Variants in TASP1 observed in about 807,000 individuals in gnomAD.
The protein encoded by TASP1 is threonine aspartase 1.
In TASP1, 16 loss-of-function variants were observed where a neutral mutation model predicts 56.6. The observed-to-expected ratio is 0.28, with a 90% CI of 0.19 to 0.43. The LOEUF is 0.43. Among genes scored for constraint, TASP1 ranks in the 20% least tolerant of loss-of-function variants. The pLI, the probability that TASP1 is intolerant of heterozygous loss-of-function variation, is 1.00. For missense variants in TASP1, 393 were observed against 511.6 expected, an observed-to-expected ratio of 0.77 and a Z score of 2.24; for synonymous variants, 179 against 184.2, an observed-to-expected ratio of 0.97 and a Z score of 0.23.
intron 4 of TASP1, among the ~76,000 whole-genome samples, chr20:13,612,491 AACACACACACAC>A (rs34343791): frequency 3.6e-4 from 52 of 143,994 alleles, no homozygotes; most frequent in Non-Finnish European, 4.9e-4. Flanking sequence ...ATTTGTAGCA[AACACACACACAC>A]ACACACACAC....
chr20:13,419,504 A>G (rs111760013), intron 12 of TASP1, among the ~76,000 whole-genome samples: 6,431 of 152,342 alleles, frequency 0.042, 181 homozygotes, highest in African/African-American at 0.073. Context: ...TCCAGTACAC[A>G]GCATCAAAAT....
chr20:13,411,767 T>C (rs1366924933), intron 13 of TASP1, among the ~76,000 whole-genome samples: 7 of 152,188 alleles, frequency 4.6e-5, no homozygotes. Flanking sequence ...AGGCAAGCCG[T>C]CAGCTTTCCA....
intron 4 of TASP1, among the ~76,000 whole-genome samples, chr20:13,608,782 C>G (rs781157363): frequency 6.6e-6 from 1 of 152,202 alleles, no homozygotes; most frequent in Non-Finnish European, 1.5e-5. Flanking sequence ...ATCTAAACCA[C>G]GGGGATATAG....
intron 5 of TASP1, among the ~76,000 whole-genome samples, chr20:13,585,350 C>G (rs1184512729): frequency 6.6e-6 from 1 of 152,100 alleles, no homozygotes; most frequent in African/African-American, 2.4e-5. Context: ...CTAACTTAAA[C>G]TTCATTAAAA....
the TASP1 span, among the ~76,000 whole-genome samples, chr20:13,140,951 G>A: frequency 2.0e-5 from 3 of 152,148 alleles, no homozygotes; most frequent in African/African-American, 7.2e-5. Context: ...ACCCAATGTG[G>A]ACTGGGAGAA....
intron 4 of TASP1, among the ~76,000 whole-genome samples, chr20:13,615,554 G>C (rs2048493825): frequency 6.7e-6 from 1 of 149,860 alleles, no homozygotes; most frequent in Non-Finnish European, 1.5e-5. Context: ...ACCCAGGCTG[G>C]AGTGCAGTGG....
At chr20:13,435,337 C>T (rs1048846955) in intron 11 of TASP1, among the ~76,000 whole-genome samples, 183 bp from the exon 12 acceptor site, 1 of 152,010 alleles carries the variant, frequency 6.6e-6, no homozygotes, top group African/African-American at 2.4e-5. Flanking sequence ...TGAATAGGGG[C>T]CATTTGGCAA....
Position 13,605,694 on chromosome 20 carries a change from T to C in TASP1, c.282+17752A>G, listed in dbSNP as rs958339108. On this transcript the variant is annotated intron_variant, in intron 4 of 13. Transcript: ENST00000337743. ...ACCTTTCTCTAAAAAAAAATAATAA[T>C]AAATTTAAATAATTTAAAATAATAT... Among the ~76,000 whole-genome samples the C allele has an allele frequency of 3.3e-5, 5 of 151,920 alleles. No individual in the cohort carries two copies. The South Asian group carries it at 8.3e-4, about 25-fold the overall frequency.
chr20:13,257,492 G>C, the TASP1 span, among the ~76,000 whole-genome samples: 1 of 152,080 alleles, frequency 6.6e-6, no homozygotes, highest in Non-Finnish European at 1.5e-5. Context: ...TCAGTTCTCT[G>C]CCTCATCTGA....
At chr20:13,298,968 A>G in the TASP1 span, 1 of 1,613,560 alleles carries the variant, frequency 6.2e-7, no homozygotes, top group East Asian at 2.2e-5. Flanking sequence ...GCGCTGGATG[A>G]GCTGCAAAAG....
chr20:13,539,408 G>T (rs2045536857), intron 8 of TASP1, among the ~76,000 whole-genome samples: 1 of 152,100 alleles, frequency 6.6e-6, no homozygotes. Flanking sequence ...AACCCAGCCA[G>T]GCATGGTGGC....
chr20:13,323,261 A>C, the TASP1 span, among the ~76,000 whole-genome samples: 6 of 152,212 alleles, frequency 3.9e-5, no homozygotes, highest in Admixed American at 3.9e-4. Flanking sequence ...GTGTTGAAGA[A>C]AAGACAGGGG....
At chr20:13,315,122 AC>A in the TASP1 span, among the ~76,000 whole-genome samples, 18,389 of 152,098 alleles carry the variant, frequency 0.12, 1,230 homozygotes, top group Admixed American at 0.18. Flanking sequence ...AGAATGGAAG[AC>A]AAAAACAGCA....
the TASP1 span, among the ~76,000 whole-genome samples, chr20:13,130,425 G>T: frequency 1.5e-3 from 234 of 152,320 alleles, 1 homozygote; most frequent in African/African-American, 5.4e-3. Flanking sequence ...CAGTTGGCCA[G>T]ATCTGTTCCT....
At chr20:13,229,653 A>G in the TASP1 span, among the ~76,000 whole-genome samples, 1 of 152,172 alleles carries the variant, frequency 6.6e-6, no homozygotes, top group African/African-American at 2.4e-5. Flanking sequence ...CTGTGGACCT[A>G]TGTTTTCATT....
the TASP1 span, among the ~76,000 whole-genome samples, chr20:13,177,492 C>T: frequency 1.3e-5 from 2 of 152,120 alleles, no homozygotes; most frequent in African/African-American, 4.8e-5. Context: ...AGAAGTATCA[C>T]ACTGCCAGAC....
chr20:13,609,731 A>G (rs2048285986), intron 4 of TASP1, among the ~76,000 whole-genome samples: 1 of 151,802 alleles, frequency 6.6e-6, no homozygotes, highest in Non-Finnish European at 1.5e-5. Context: ...ATTAATTACC[A>G]TATGACCCAG....
intron 13 of TASP1, among the ~76,000 whole-genome samples, chr20:13,415,080 AAAATAGTTTTT>A (rs2042210964): frequency 6.6e-6 from 1 of 152,144 alleles, no homozygotes; most frequent in Admixed American, 6.6e-5. Context: ...TTAACTTTTA[AAAATAGTTTTT>A]AAATTTTAAA....
At chr20:13,277,367 C>A in the TASP1 span, among the ~76,000 whole-genome samples, 1 of 152,146 alleles carries the variant, frequency 6.6e-6, no homozygotes, top group Admixed American at 6.5e-5. Context: ...AGCCTCTCCC[C>A]TCCAAGACCC....
Sources: allele counts gnomAD v4.1 joint callset (sites outside exome capture counted in the v4.1 genomes callset), GRCh38; gene constraint gnomAD v4.1.1; transcripts MANE v1.5; gene names NCBI Gene and HGNC (gene_info 2026-07-23, HGNC 2026-07-21).